HIKESHI: variants seen among roughly 807,000 people sequenced by gnomAD.
HIKESHI encodes the protein heat shock protein nuclear import factor hikeshi, also known as protein Hikeshi.
HIKESHI carries 13 observed loss-of-function variants against 25.7 expected under a neutral mutation model. That is an observed-to-expected ratio of 0.51 (90% confidence interval 0.33 to 0.80). HIKESHI has a LOEUF of 0.80. Ranked by LOEUF, HIKESHI falls within the 30% of genes least tolerant of loss-of-function variation. The pLI is 0.02. For missense variants in HIKESHI, 174 were observed against 229.5 expected, an observed-to-expected ratio of 0.76 and a Z score of 1.56; for synonymous variants, 76 against 78.7, an observed-to-expected ratio of 0.97 and a Z score of 0.18.
chr11:86,319,521 T>TGCTA (rs1412166920), intron 2 of HIKESHI, among the ~76,000 whole-genome samples: 1 of 151,914 alleles, frequency 6.6e-6, no homozygotes, highest in Non-Finnish European at 1.5e-5. Context: ...CCTCCCAAAG[T>TGCTA]GCTAGGATTA....
At chr11:86,340,611 C>G (rs1203477154) in intron 3 of HIKESHI, among the ~76,000 whole-genome samples, 5 of 151,974 alleles carry the variant, frequency 3.3e-5, no homozygotes, top group African/African-American at 1.2e-4. Flanking sequence ...TTTTTTCTTG[C>G]AAATTTGTTT....
intron 2 of HIKESHI, among the ~76,000 whole-genome samples, chr11:86,308,585 A>ATTT (rs1555183549): frequency 1.4e-4 from 4 of 28,404 alleles, no homozygotes; most frequent in East Asian, 2.7e-3. Flanking sequence ...ATTTATCTAT[A>ATTT]ATGCTTTAAC....
At chr11:86,323,163 A>G (rs909812270) in intron 2 of HIKESHI, among the ~76,000 whole-genome samples, 1 of 152,084 alleles carries the variant, frequency 6.6e-6, no homozygotes, top group Non-Finnish European at 1.5e-5. Flanking sequence ...CCCAGGAGGC[A>G]GAGGTTACAG....
chr11:86,308,236 T>A (rs796688129), intron 2 of HIKESHI, among the ~76,000 whole-genome samples: 7 of 11,746 alleles, frequency 6.0e-4, no homozygotes, highest in Non-Finnish European at 2.7e-3. Context: ...AAAATATATA[T>A]TATATATAAA....
chr11:86,337,294 T>C (rs1947590294), intron 2 of HIKESHI, 85 bp from the exon 3 acceptor site: 3 of 1,313,146 alleles, frequency 2.3e-6, no homozygotes, highest in Non-Finnish European at 3.1e-6. Context: ...TGTATATAAA[T>C]TAGAGGTTCT....
Position 86,306,245 on chromosome 11 carries a change from G to A in HIKESHI, c.31G>A (p.Val11Met). The A allele has an allele frequency of 6.2e-7, 1 of 1,607,430 alleles. No individual in the cohort carries two copies. Among genetic ancestry groups the A allele is most frequent in the South Asian group, 1.1e-5 (1 of 90,724 alleles). Residue 11 changes from valine (V) to methionine (M), a missense_variant and splice_region_variant, in exon 2 of 5, where the codon GTG becomes ATG. Val to Met is a conservative substitution (Grantham distance 21). Coordinates refer to ENST00000278483, the MANE Select transcript of HIKESHI (RefSeq NM_016401.4). MFGCLVAGRL[V>M]QTAAQQVAED... ...CTGAGACAAGTTTCTTATTTTCTAG[G>A]TGCAAACAGCTGCACAGCAAGTGGC...
At chr11:86,311,733 G>A (rs1480408538) in intron 2 of HIKESHI, among the ~76,000 whole-genome samples, 3 of 152,154 alleles carry the variant, frequency 2.0e-5, no homozygotes, top group African/African-American at 7.2e-5. Flanking sequence ...TGCTTTGAAT[G>A]TGTCCCAGAG....
chr11:86,329,096 G>A (rs1947357128), intron 2 of HIKESHI, among the ~76,000 whole-genome samples: 1 of 151,578 alleles, frequency 6.6e-6, no homozygotes, highest in Non-Finnish European at 1.5e-5. Context: ...ACCAAGTAAA[G>A]TGATAAACAG....
chr11:86,333,311 G>A (rs1947468303), intron 2 of HIKESHI, among the ~76,000 whole-genome samples: 1 of 152,072 alleles, frequency 6.6e-6, no homozygotes, highest in Admixed American at 6.5e-5. Flanking sequence ...CGAGATGGGT[G>A]GATCACTTGA....
At chr11:86,336,558 G>A (rs1251708778) in intron 2 of HIKESHI, among the ~76,000 whole-genome samples, 6 of 152,060 alleles carry the variant, frequency 3.9e-5, no homozygotes, top group Non-Finnish European at 7.4e-5. Context: ...CAAATCTGCC[G>A]GTTCCTTGAT....
chr11:86,319,256 T>TTTTTTTTTTTA (rs1947088275), intron 2 of HIKESHI, among the ~76,000 whole-genome samples: 1 of 142,604 alleles, frequency 7.0e-6, no homozygotes, highest in Admixed American at 7.0e-5. Flanking sequence ...TTTTTTTTTT[T>TTTTTTTTTTTA]GAGACCAGTC....
intron 2 of HIKESHI, among the ~76,000 whole-genome samples, chr11:86,308,740 C>A (rs291210): frequency 6.6e-6 from 1 of 151,864 alleles, no homozygotes; most frequent in Non-Finnish European, 1.5e-5. Flanking sequence ...CCACAACAGG[C>A]CCCGGTGTGT....
chr11:86,318,859 A>G (rs1292969355), intron 2 of HIKESHI, among the ~76,000 whole-genome samples: 1 of 152,174 alleles, frequency 6.6e-6, no homozygotes, highest in Non-Finnish European at 1.5e-5. Flanking sequence ...ATTTTAATGT[A>G]TGTCTTTAAA....
At chr11:86,324,989 C>T (rs532270082) in intron 2 of HIKESHI, among the ~76,000 whole-genome samples, 6 of 151,782 alleles carry the variant, frequency 4.0e-5, no homozygotes, top group South Asian at 2.1e-4. Context: ...GACCAACCTG[C>T]GTAACACAGT....
At chr11:86,306,672 T>C (rs943119626) in intron 2 of HIKESHI, among the ~76,000 whole-genome samples, 190 bp downstream of exon 2, 1 of 152,062 alleles carries the variant, frequency 6.6e-6, no homozygotes, top group Non-Finnish European at 1.5e-5. Context: ...GGGCTCCTCT[T>C]GTTGTTCATT....
chr11:86,321,956 GC>G (rs1217462385), intron 2 of HIKESHI, among the ~76,000 whole-genome samples: 2 of 151,298 alleles, frequency 1.3e-5, no homozygotes, highest in Non-Finnish European at 1.5e-5. Context: ...GTTTTAATTT[GC>G]ATTTTTCTAA....
chr11:86,310,506 A>C (rs1946807465), intron 2 of HIKESHI, among the ~76,000 whole-genome samples: 2 of 152,190 alleles, frequency 1.3e-5, no homozygotes, highest in Non-Finnish European at 2.9e-5. Context: ...TGTCATCTGC[A>C]AACAGGGACA....
At chr11:86,340,116 T>G (rs1315071808) in intron 3 of HIKESHI, among the ~76,000 whole-genome samples, 1 of 152,234 alleles carries the variant, frequency 6.6e-6, no homozygotes, top group African/African-American at 2.4e-5. Context: ...TTCCATGGTG[T>G]ATATGTGCCA....
At chr11:86,337,291 A>T (rs1947590223) in intron 2 of HIKESHI, 88 bp from the exon 3 acceptor site, 1 of 1,289,864 alleles carries the variant, frequency 7.8e-7, no homozygotes, top group Non-Finnish European at 1.1e-6. Context: ...TCATGTATAT[A>T]AATTAGAGGT....
Sources: allele counts gnomAD v4.1 joint callset (sites outside exome capture counted in the v4.1 genomes callset), GRCh38; gene constraint gnomAD v4.1.1; transcripts MANE v1.5; gene names NCBI Gene and HGNC (gene_info 2026-07-23, HGNC 2026-07-21).